The following BRMS1L variants were observed in gnomAD, a reference collection of about 807,000 sequenced individuals.
BRMS1L encodes the protein BRMS1 like transcriptional repressor, also known as breast cancer metastasis-suppressor 1-like protein.
Under a neutral mutation model 50.3 loss-of-function variants are expected in BRMS1L, and 23 were observed. The observed-to-expected ratio is 0.46, with a 90% CI of 0.33 to 0.65. The LOEUF is 0.65. BRMS1L is among the 30% of genes least tolerant of loss of function. BRMS1L has a pLI of 0.02. For synonymous variants in BRMS1L, 114 were observed against 126.9 expected (o/e 0.90, Z 0.69); for missense variants, 286 against 386.1 (o/e 0.74, Z 2.17).
Position 35,864,962 on chromosome 14 carries a change from A to G in BRMS1L, c.650A>G (p.Asp217Gly). Residue 217 changes from aspartate (D) to glycine (G), a missense_variant, in exon 7 of 10, where the codon GAT (aspartate) becomes GGT (glycine). This residue lies in a region of BRMS1L where 160 missense variants were observed against 240.6 expected (regional missense o/e 0.66). Coordinates refer to ENST00000216807, the MANE Select transcript of BRMS1L (RefSeq NM_032352.4). ...SGPYIVYMLQDLDILEDWTTI... is the reference protein window; with the variant it reads ...SGPYIVYMLQGLDILEDWTTI... The stretch of plus-strand genomic sequence containing the variant: ...CCATATATAGTTTATATGCTACAAG[A>G]TCTTGATATTCTTGAAGACTGGACA... 1 of 1,585,384 alleles carries G rather than the reference A, an allele frequency of 6.3e-7. No individual in the cohort carries two copies. The highest frequency in any genetic ancestry group is 8.6e-7 in the Non-Finnish European group (1 of 1,168,762).
chr14:35,855,483 G>A (rs534082398), intron 4 of BRMS1L, among the ~76,000 whole-genome samples: 1 of 152,256 alleles, frequency 6.6e-6, no homozygotes, highest in South Asian at 2.1e-4. Flanking sequence ...TGGGTATCTA[G>A]TCCACTGTAT....
chr14:35,865,921 G>A (rs562113851), intron 8 of BRMS1L, 160 bp downstream of exon 8: 10 of 648,192 alleles, frequency 1.5e-5, no homozygotes, highest in Middle Eastern at 2.6e-4. Flanking sequence ...ATTGCTTCAC[G>A]TAAAAGTTTC....
chr14:35,850,660 A>T (rs2078199598), intron 4 of BRMS1L, among the ~76,000 whole-genome samples: 1 of 152,130 alleles, frequency 6.6e-6, no homozygotes, highest in Non-Finnish European at 1.5e-5. Flanking sequence ...TCTACGTTTT[A>T]TTCAAGGAGC....
chr14:35,841,559 A>G (rs1401153521), intron 4 of BRMS1L, among the ~76,000 whole-genome samples: 1 of 152,222 alleles, frequency 6.6e-6, no homozygotes, highest in Admixed American at 6.5e-5. Context: ...GGCCTCCCAA[A>G]CTGCTGGGAT....
At chr14:35,829,947 C>A in intron 1 of BRMS1L, 1 of 744,960 alleles carries the variant, frequency 1.3e-6, no homozygotes, top group Non-Finnish European at 1.7e-6. Flanking sequence ...TTGTATTTTC[C>A]TCCTCATTTG....
At chr14:35,859,904 C>T (rs754543901) in intron 4 of BRMS1L, among the ~76,000 whole-genome samples, 10 of 151,956 alleles carry the variant, frequency 6.6e-5, no homozygotes, top group South Asian at 4.2e-4. Context: ...CTCCTGCCTC[C>T]GTATCCCAAA....
chr14:35,830,614 T>A (rs572048310), intron 1 of BRMS1L, among the ~76,000 whole-genome samples: 2 of 152,298 alleles, frequency 1.3e-5, no homozygotes, highest in East Asian at 3.9e-4. Flanking sequence ...AGCCTCAGCC[T>A]CCCAAAGTGC....
chr14:35,865,762 G>A lies in BRMS1L; in HGVS notation c.727+1G>A, dbSNP rs781504594. The stretch of plus-strand genomic sequence containing the variant: ...GGGCCACACAGAGTGAAAACGGAAC[G>A]TAAGTCATTTAGTCTGAGTTGGGAA... On this transcript the variant is annotated splice_donor_variant, in intron 8 of 9. Transcript: ENST00000216807. LOFTEE classifies it high-confidence loss of function. The A allele has an allele frequency of 1.9e-6, 3 of 1,598,174 alleles. No homozygotes were observed. The highest frequency in any genetic ancestry group is 2.3e-5 in the East Asian group (1 of 44,410).
intron 4 of BRMS1L, among the ~76,000 whole-genome samples, chr14:35,856,125 G>A (rs1365541090): frequency 6.6e-6 from 1 of 152,192 alleles, no homozygotes; most frequent in Non-Finnish European, 1.5e-5. Flanking sequence ...CAGAATAAAA[G>A]TTTGTTTAGC....
intron 2 of BRMS1L, 100 bp downstream of exon 2, chr14:35,831,600 T>G (rs1345860520): frequency 1.2e-6 from 1 of 848,898 alleles, no homozygotes; most frequent in Non-Finnish European, 1.9e-6. Context: ...TGTTTTGTAT[T>G]TTATGCGACA....
chr14:35,826,525 C>T lies in BRMS1L; in HGVS notation c.9C>T (p.Val3=), dbSNP rs2142032756. 1 of 1,588,568 alleles carries T rather than the reference C, an allele frequency of 6.3e-7. No individual in the cohort carries two copies. Among genetic ancestry groups the T allele is most frequent in the East Asian group, 2.3e-5 (1 of 43,948 alleles). Residue 3 remains valine (V), a synonymous_variant, in exon 1 of 10, where the codon GTC becomes GTT. Transcript: ENST00000216807. ...GACGGCGCGGCTGGAAAATGCCAGT[C>T]CATTCCCGAGGGGATAAGAAGGAGA... The part of the protein sequence containing the change: MP[V]HSRGDKKETN...
At chr14:35,841,625 T>C (rs1331006173) in intron 4 of BRMS1L, among the ~76,000 whole-genome samples, 5 of 152,188 alleles carry the variant, frequency 3.3e-5, no homozygotes. Flanking sequence ...ATAAGTATGA[T>C]GTAGTGCTGA....
At chr14:35,848,846 C>A (rs1264900793) in intron 4 of BRMS1L, among the ~76,000 whole-genome samples, 1 of 152,056 alleles carries the variant, frequency 6.6e-6, no homozygotes, top group Non-Finnish European at 1.5e-5. Flanking sequence ...TTTTCTTTAT[C>A]CATTCATCCA....
At chr14:35,845,242 G>C (rs957901217) in intron 4 of BRMS1L, among the ~76,000 whole-genome samples, 1 of 152,086 alleles carries the variant, frequency 6.6e-6, no homozygotes, top group Non-Finnish European at 1.5e-5. Flanking sequence ...GGCACTGATA[G>C]GACCTCCAAT....
At chr14:35,835,626 T>G (rs1333658218) in intron 4 of BRMS1L, among the ~76,000 whole-genome samples, 4 of 152,180 alleles carry the variant, frequency 2.6e-5, no homozygotes, top group African/African-American at 9.7e-5. Flanking sequence ...GAGGATTTCT[T>G]GAGCTCAGGA....
At chr14:35,834,971 C>G in intron 4 of BRMS1L, 48 bp downstream of exon 4, 2 of 1,442,112 alleles carry the variant, frequency 1.4e-6, no homozygotes, top group Non-Finnish European at 1.9e-6. Flanking sequence ...CTCTTCAAGC[C>G]TTTTCTGAGT....
At chr14:35,866,889 G>A (rs1050380569) in intron 8 of BRMS1L, among the ~76,000 whole-genome samples, 2 of 152,224 alleles carry the variant, frequency 1.3e-5, no homozygotes, top group South Asian at 4.1e-4. Context: ...ATAGTTGAGT[G>A]TGTCTCCCTC....
At chr14:35,829,848 T>C in intron 1 of BRMS1L, 2 of 1,256,794 alleles carry the variant, frequency 1.6e-6, no homozygotes, top group Non-Finnish European at 1.0e-6. Context: ...GCTTCAGTTA[T>C]TTTGATGAAT....
At chr14:35,865,851 A>G in intron 8 of BRMS1L, 90 bp downstream of exon 8, 2 of 1,159,644 alleles carry the variant, frequency 1.7e-6, no homozygotes, top group South Asian at 1.4e-5. Context: ...CTCTTGAATC[A>G]GTGGTTTTAT....
Sources: gnomAD v4.1 joint callset for allele counts (sites outside exome capture counted in the v4.1 genomes callset) on GRCh38, gnomAD v4.1.1 for gene constraint, gnomAD v4.1.1 regional missense constraint, MANE v1.5 for transcripts, NCBI Gene and HGNC (gene_info 2026-07-23, HGNC 2026-07-21) for gene names.